SEMA3A: variants seen among roughly 807,000 people sequenced by gnomAD.
SEMA3A encodes semaphorin 3A.
SEMA3A carries 29 observed loss-of-function variants against 97.9 expected under a neutral mutation model. The ratio of observed to expected loss-of-function variants is 0.30; its 90% CI spans 0.22 to 0.40. The LOEUF (loss-of-function observed/expected upper bound fraction) is 0.40. Among genes scored for constraint, SEMA3A ranks in the 10% least tolerant of loss-of-function variants. SEMA3A has a pLI of 1.00. For synonymous variants in SEMA3A, 321 were observed against 323.7 expected (o/e 0.99, Z 0.09); for missense variants, 763 against 951.3 (o/e 0.80, Z 2.60).
intron 15 of SEMA3A, among the ~76,000 whole-genome samples, chr7:83,970,748 C>T (rs1788880715): frequency 1.3e-5 from 2 of 152,116 alleles, no homozygotes; most frequent in Non-Finnish European, 1.5e-5. Context: ...TGCTGTACCA[C>T]ATAAAGACAA....
intron 2 of SEMA3A, among the ~76,000 whole-genome samples, chr7:84,321,478 C>T (rs988045425): frequency 5.9e-5 from 9 of 152,084 alleles, no homozygotes; most frequent in African/African-American, 2.4e-5. Context: ...ACCAGACTGC[C>T]TGGGTTGATA....
rs761486957 is a variant in SEMA3A, at chr7:84,005,359, T to A, written c.1340A>T (p.Asp447Val). The A allele has an allele frequency of 6.2e-7, 1 of 1,612,952 alleles. No homozygotes were observed. Among genetic ancestry groups the A allele is most frequent in the African/African-American group, 1.3e-5 (1 of 74,894 alleles). Reference protein sequence around the residue: ...DRVDAEDGQYDVMFIGTDVGT... With the variant: ...DRVDAEDGQYVVMFIGTDVGT... ...TTTACCTGTTCCGATAAACATAACATCATACTGTCCATCTTCTGCATCCAC... is the reference window on the plus strand; with the variant it reads ...TTTACCTGTTCCGATAAACATAACAACATACTGTCCATCTTCTGCATCCAC... The change falls in exon 11 of 17, where the codon GAT becomes GTT. Residue 447 changes from aspartate to valine, a missense_variant. Asp to Val is a radical substitution (Grantham distance 152). This residue lies in a region of SEMA3A where 678 missense variants were observed against 881.3 expected (regional missense o/e 0.77). Transcript: ENST00000265362.
chr7:84,401,680 A>T (rs1803908251), intron 1 of SEMA3A, among the ~76,000 whole-genome samples: 1 of 152,170 alleles, frequency 6.6e-6, no homozygotes, highest in African/African-American at 2.4e-5. Flanking sequence ...AATGGAACAG[A>T]ATGGGGGACC....
At chr7:84,346,263 T>A (rs1010030244) in intron 2 of SEMA3A, among the ~76,000 whole-genome samples, 4 of 152,214 alleles carry the variant, frequency 2.6e-5, no homozygotes, top group Non-Finnish European at 4.4e-5. Flanking sequence ...TGATCTTCTA[T>A]CCAGACCACT....
At chr7:84,181,530 A>G (rs1797738189) in intron 1 of SEMA3A, among the ~76,000 whole-genome samples, 1 of 152,088 alleles carries the variant, frequency 6.6e-6, no homozygotes, top group Admixed American at 6.5e-5. Flanking sequence ...TTACATTTTA[A>G]CAATTACTTA....
chr7:84,460,065 A>G (rs1805787508), intron 1 of SEMA3A, among the ~76,000 whole-genome samples: 1 of 152,160 alleles, frequency 6.6e-6, no homozygotes, highest in Non-Finnish European at 1.5e-5. Flanking sequence ...CCTAATTCTT[A>G]TTACATGTAA....
chr7:84,423,742 G>T (rs1035959852), intron 1 of SEMA3A, among the ~76,000 whole-genome samples: 2 of 151,638 alleles, frequency 1.3e-5, no homozygotes, highest in African/African-American at 4.8e-5. Context: ...AAAAATATTT[G>T]CCAACTATAC....
At chr7:84,073,310 G>T (rs1459189808) in intron 4 of SEMA3A, among the ~76,000 whole-genome samples, 1 of 151,806 alleles carries the variant, frequency 6.6e-6, no homozygotes, top group Non-Finnish European at 1.5e-5. Context: ...AGTGTAGGAG[G>T]CCAGTAGAAT....
At chr7:84,318,705 T>C (rs191020544) in intron 2 of SEMA3A, among the ~76,000 whole-genome samples, 170 of 152,274 alleles carry the variant, frequency 1.1e-3, no homozygotes, top group African/African-American at 3.8e-3. Flanking sequence ...TGTACACTTA[T>C]ATTGCTCAAT....
chr7:84,492,155 A>AGTAATAAAG (rs1806750215), intron 1 of SEMA3A, among the ~76,000 whole-genome samples: 1 of 152,112 alleles, frequency 6.6e-6, no homozygotes, highest in Non-Finnish European at 1.5e-5. Flanking sequence ...CATTTTTGAC[A>AGTAATAAAG]GTAATAAAGG....
At chr7:84,235,202 A>C (rs1182983489) in intron 3 of SEMA3A, among the ~76,000 whole-genome samples, 1 of 152,104 alleles carries the variant, frequency 6.6e-6, no homozygotes, top group African/African-American at 2.4e-5. Context: ...TAAATAAACT[A>C]TGTAAGTATA....
intron 4 of SEMA3A, among the ~76,000 whole-genome samples, chr7:84,063,435 C>G (rs374100075): frequency 6.6e-6 from 1 of 151,296 alleles, no homozygotes; most frequent in Non-Finnish European, 1.5e-5. Context: ...CTTTGACGAG[C>G]TGAGAGAAGA....
chr7:84,012,079 T>C (rs1790905098), intron 7 of SEMA3A, among the ~76,000 whole-genome samples: 1 of 151,968 alleles, frequency 6.6e-6, no homozygotes, highest in Admixed American at 6.6e-5. Flanking sequence ...ACCAGGGCCT[T>C]TGGGGGAGGG....
At chr7:84,377,570 G>C (rs963721306) in intron 1 of SEMA3A, among the ~76,000 whole-genome samples, 2 of 152,086 alleles carry the variant, frequency 1.3e-5, no homozygotes, top group Non-Finnish European at 1.5e-5. Context: ...GCTCAGAATT[G>C]CTTTGGTTAT....
rs756884906 is a variant in SEMA3A at position 83,977,127 on chromosome 7, C to T, written c.1717+5G>A. ...GCAGGTTGAAAGATGAAAAATGTGA[C>T]TTACCATGGTGTAAGTCTGAACAGT... On this transcript the variant is annotated splice_donor_5th_base_variant and intron_variant, in intron 15 of 16. Coordinates refer to ENST00000265362, the MANE Select transcript of SEMA3A (RefSeq NM_006080.3). The T allele has an allele frequency of 1.3e-5, 20 of 1,532,426 alleles. No homozygotes were observed. The East Asian group carries it at 4.6e-4, about 35-fold the overall frequency. 94.9% of individuals were successfully genotyped at this position (1,532,426 alleles called of 1,614,324 possible).
At chr7:84,462,269 A>T (rs547990129) in intron 1 of SEMA3A, among the ~76,000 whole-genome samples, 5 of 152,280 alleles carry the variant, frequency 3.3e-5, no homozygotes, top group Admixed American at 3.3e-4. Context: ...CTCAGCAAAT[A>T]TTACATTTTC....
rs1318497449 is a variant in SEMA3A at position 84,118,000 on chromosome 7, T to A, written c.334-7411A>T. On this transcript the variant is annotated intron_variant, in intron 3 of 16. Coordinates refer to ENST00000265362, the MANE Select transcript of SEMA3A (RefSeq NM_006080.3). ...ACTATTGTTTGGATATTTCTATGAC[T>A]GCTTAACTCTCACACTCTTCTACAT... Among the ~76,000 whole-genome samples the A allele has an allele frequency of 2.0e-5, 3 of 152,320 alleles. 1 individual carries two copies. The highest frequency in any genetic ancestry group is 2.0e-4 in the Admixed American group (3 of 15,304).
chr7:84,089,451 T>C (rs906798922), intron 4 of SEMA3A, among the ~76,000 whole-genome samples: 3 of 152,132 alleles, frequency 2.0e-5, no homozygotes, highest in Non-Finnish European at 2.9e-5. Context: ...TGTTATTTCA[T>C]AGATAAAAAA....
At chr7:84,393,310 A>G (rs1303201447) in intron 1 of SEMA3A, among the ~76,000 whole-genome samples, 1 of 151,996 alleles carries the variant, frequency 6.6e-6, no homozygotes, top group Non-Finnish European at 1.5e-5. Flanking sequence ...TCTTTTTTCC[A>G]TTGTTTATTC....
Sources: gnomAD v4.1 joint callset for allele counts (sites outside exome capture counted in the v4.1 genomes callset) on GRCh38, gnomAD v4.1.1 for gene constraint, gnomAD v4.1.1 regional missense constraint, MANE v1.5 for transcripts, NCBI Gene and HGNC (gene_info 2026-07-23, HGNC 2026-07-21) for gene names.